Variants in LAIR2 observed in about 807,000 individuals in gnomAD.
The protein encoded by LAIR2 is leukocyte associated immunoglobulin like receptor 2.
A neutral mutation model predicts 14.8 loss-of-function variants in LAIR2; 14 were observed. That is an observed-to-expected ratio of 0.95 (90% confidence interval 0.62 to 1.48). The LOEUF (loss-of-function observed/expected upper bound fraction) is 1.48, where lower values mean the gene tolerates loss of function less well. Ranked by LOEUF, LAIR2 falls within the 40% of genes most tolerant of loss-of-function variation. The pLI, the probability that LAIR2 is intolerant of heterozygous loss-of-function variation, is 0.00. For synonymous variants in LAIR2, 75 were observed against 74.5 expected (o/e 1.01, Z -0.03); for missense variants, 172 against 180.9 (o/e 0.95, Z 0.28).
chr19:54,510,610 G>T lies in LAIR2; in HGVS notation c.*41G>T. 3 of 1,609,646 alleles carry T rather than the reference G, an allele frequency of 1.9e-6. No individual in the cohort carries two copies. The highest frequency in any genetic ancestry group is 2.6e-6 in the Non-Finnish European group (3 of 1,175,916). ...CTCCCGTCTTGTGAACTTCAATGGG[G>T]AGAAATAATTAGAATGAGCAATAGA... On this transcript the variant is annotated 3_prime_UTR_variant, in exon 5 of 5. Coordinates refer to ENST00000301202, the MANE Select transcript of LAIR2 (RefSeq NM_002288.6).
chr19:54,507,943 G>C lies in LAIR2; in HGVS notation c.123G>C (p.Pro41=), dbSNP rs150085908. 18 of 1,613,940 alleles carry C rather than the reference G, an allele frequency of 1.1e-5. No individual in the cohort carries two copies. The Admixed American group carries it at 1.8e-4, about 16-fold the overall frequency. The part of the protein sequence containing the change: ...ISAEPGTVIS[P]GSHVTFMCRG... ...CTGAGCCAGGCACTGTGATCTCCCC[G>C]GGGAGCCATGTGACTTTCATGTGCC... The change falls in exon 3 of 5, where the codon CCG becomes CCC. Residue 41 remains proline (P), a synonymous_variant. Coordinates refer to ENST00000301202, the MANE Select transcript of LAIR2 (RefSeq NM_002288.6).
At chr19:54,503,564 C>T in intron 1 of LAIR2, 136 bp from the exon 2 acceptor site, 3 of 981,336 alleles carry the variant, frequency 3.1e-6, no homozygotes, top group Non-Finnish European at 4.8e-6. Flanking sequence ...TACATGGAGA[C>T]AGTGATGTCG....
intron 2 of LAIR2, among the ~76,000 whole-genome samples, chr19:54,504,906 G>T (rs1025421391): frequency 2.0e-5 from 3 of 152,108 alleles, no homozygotes; most frequent in African/African-American, 4.8e-5. Flanking sequence ...CACTGCACCC[G>T]GCCGAGATGA....
chr19:54,503,783 A>C, intron 2 of LAIR2, 48 bp downstream of exon 2: 2 of 1,612,826 alleles, frequency 1.2e-6, no homozygotes, highest in Non-Finnish European at 1.7e-6. Flanking sequence ...TGTCACCCCA[A>C]AGGCAGTGCT....
chr19:54,506,268 C>G (rs989582747), intron 2 of LAIR2, among the ~76,000 whole-genome samples: 4 of 152,090 alleles, frequency 2.6e-5, no homozygotes, highest in African/African-American at 4.8e-5. Context: ...TCCTCCTGTG[C>G]GAATCATTTT....
Position 54,503,725 on chromosome 19 carries a change from C to T in LAIR2, c.60C>T (p.His20=), listed in dbSNP as rs1204254114. Reference sequence around the variant, plus strand: ...TGCTCTGCCTGGCCCAGACCATCCACACGCAGGAGGGTAAGTCATGCCTTC... The same window carrying T: ...TGCTCTGCCTGGCCCAGACCATCCATACGCAGGAGGGTAAGTCATGCCTTC... ...GLVLCLAQTI[H]TQEGALPRPS... Residue 20 remains histidine (H), a synonymous_variant, in exon 2 of 5, where the codon CAC becomes CAT. Transcript: ENST00000301202. 6.2e-7 allele frequency: 1 copy of T among 1,613,960 alleles called. No individual in the cohort carries two copies. The highest frequency in any genetic ancestry group is 8.5e-7 in the Non-Finnish European group (1 of 1,180,020).
chr19:54,505,435 G>C (rs2085347916), intron 2 of LAIR2, among the ~76,000 whole-genome samples: 1 of 151,930 alleles, frequency 6.6e-6, no homozygotes, highest in Admixed American at 6.6e-5. Flanking sequence ...ACCCCCAGGT[G>C]ACAGCCCTTC....
At chr19:54,503,181 G>A (rs1003002363) in intron 1 of LAIR2, among the ~76,000 whole-genome samples, 5 of 151,970 alleles carry the variant, frequency 3.3e-5, no homozygotes, top group South Asian at 2.1e-4. Context: ...GGGCTGGGGG[G>A]CCAGGCGCGG....
intron 1 of LAIR2, 51 bp downstream of exon 1, chr19:54,503,003 G>A (rs758689837): frequency 3.3e-5 from 52 of 1,553,886 alleles, no homozygotes; most frequent in Non-Finnish European, 4.1e-5. Flanking sequence ...GGGAGGTCTG[G>A]AAAGTTCCCT....
rs138240417 is a variant in LAIR2 at position 54,502,929 on chromosome 19, A to T, written c.11A>T (p.His4Leu). ...TCTGGGACCGGGGCCATGTCTCCAC[A>T]CCTCACTGCTCTCCTGGGCCTAGGT... is the stretch of plus-strand genomic sequence containing the variant. MSP[H>L]LTALLGLVLC... Residue 4 changes from histidine to leucine, a missense_variant, in exon 1 of 5, where the codon CAC becomes CTC. By Grantham distance (99) the His-to-Leu change is moderately conservative (BLOSUM62 -3). This residue lies in a region of LAIR2 where 161 missense variants were observed against 149.0 expected (regional missense o/e 1.08). Coordinates refer to ENST00000301202, the MANE Select transcript of LAIR2 (RefSeq NM_002288.6). 39 of 1,613,952 alleles carry T rather than the reference A, an allele frequency of 2.4e-5. No homozygotes were observed. The highest frequency in any genetic ancestry group is 3.3e-5 in the Non-Finnish European group (39 of 1,179,918).
Position 54,502,843 on chromosome 19 carries a change from AGCCCC to A in LAIR2, c.-75_-71del. The stretch of plus-strand genomic sequence containing the variant: ...TCTTGTGTGAGGCAGTTGCTGTGGA[AGCCCC>A]ACGGGCAGGAGGCCCCCGGCCAGCA... On this transcript the variant is annotated 5_prime_UTR_variant, in exon 1 of 5. Transcript: ENST00000301202. 1 of 1,580,598 alleles carries A rather than the reference AGCCCC, an allele frequency of 6.3e-7. No individual in the cohort carries two copies. Among genetic ancestry groups the A allele is most frequent in the Non-Finnish European group, 8.7e-7 (1 of 1,149,604 alleles).
Position 54,510,654 on chromosome 19 carries a change from C to A in LAIR2, c.*85C>A. On this transcript the variant is annotated 3_prime_UTR_variant, in exon 5 of 5. Coordinates refer to ENST00000301202, the MANE Select transcript of LAIR2 (RefSeq NM_002288.6). ...CAATAGAAATGCACAGATGCCTATA[C>A]ATACATATACAAATAAAAAGATACG... 1 of 1,446,534 alleles carries A rather than the reference C, an allele frequency of 6.9e-7. No homozygotes were observed. Among genetic ancestry groups the A allele is most frequent in the Non-Finnish European group, 9.7e-7 (1 of 1,029,756 alleles). 89.6% of individuals were successfully genotyped at this position (1,446,534 alleles called of 1,614,324 possible). A position where few individuals can be genotyped will look rare whatever the true frequency, so the allele number is the denominator to read the frequency against.
chr19:54,509,838 C>T (rs1014948999), intron 4 of LAIR2, among the ~76,000 whole-genome samples: 1 of 151,626 alleles, frequency 6.6e-6, no homozygotes, highest in Non-Finnish European at 1.5e-5. Context: ...TCAAGTTGTC[C>T]ATCTCCGCCT....
At chr19:54,507,027 C>T (rs902747947) in intron 2 of LAIR2, among the ~76,000 whole-genome samples, 2 of 151,708 alleles carry the variant, frequency 1.3e-5, no homozygotes, top group African/African-American at 2.4e-5. Context: ...TCATGTTGTA[C>T]ACCTTAAATA....
At chr19:54,506,292 C>T (rs4806768) in intron 2 of LAIR2, among the ~76,000 whole-genome samples, 60,523 of 151,940 alleles carry the variant, frequency 0.4, 13,003 homozygotes, top group Non-Finnish European at 0.46. Flanking sequence ...GTGGTGAGAA[C>T]GCTTAGAATC....
rs775803278 is a variant in LAIR2 at position 54,507,969 on chromosome 19, G to A, written c.149G>A (p.Arg50Gln). 1.7e-5 allele frequency: 27 copies of A among 1,613,968 alleles called. No individual in the cohort carries two copies. The highest frequency in any genetic ancestry group is 2.7e-5 in the African/African-American group (2 of 74,918). ...GGGAGCCATGTGACTTTCATGTGCCGGGGCCCGGTTGGGGTTCAAACATTC... is the reference window on the plus strand; with the variant it reads ...GGGAGCCATGTGACTTTCATGTGCCAGGGCCCGGTTGGGGTTCAAACATTC... The part of the protein sequence containing the change: ...SPGSHVTFMC[R>Q]GPVGVQTFRL... Residue 50 changes from arginine to glutamine, a missense_variant, in exon 3 of 5, where the codon CGG becomes CAG. This residue lies in a region of LAIR2 where 161 missense variants were observed against 149.0 expected (regional missense o/e 1.08). Transcript: ENST00000301202.
chr19:54,502,861 C>G lies in LAIR2; in HGVS notation c.-58C>G. On this transcript the variant is annotated 5_prime_UTR_variant, in exon 1 of 5. Coordinates refer to ENST00000301202, the MANE Select transcript of LAIR2 (RefSeq NM_002288.6). ...CTGTGGAAGCCCCACGGGCAGGAGG[C>G]CCCCGGCCAGCACATCCTGTCTGCT... is the stretch of plus-strand genomic sequence containing the variant. 6.2e-7 allele frequency: 1 copy of G among 1,609,522 alleles called. No individual in the cohort carries two copies. Among genetic ancestry groups the G allele is most frequent in the Non-Finnish European group, 8.5e-7 (1 of 1,175,902 alleles).
At position 54,502,916 on chromosome 19, in the gene LAIR2, G is replaced by T; in HGVS notation, c.-3G>T. ...TCTGCTGCAGAGTTCTGGGACCGGG[G>T]CCATGTCTCCACACCTCACTGCTCT... On this transcript the variant is annotated 5_prime_UTR_variant, in exon 1 of 5. Coordinates refer to ENST00000301202, the MANE Select transcript of LAIR2 (RefSeq NM_002288.6). 1 of 1,614,116 alleles carries T rather than the reference G, an allele frequency of 6.2e-7. No homozygotes were observed. Among genetic ancestry groups the T allele is most frequent in the Middle Eastern group, 1.6e-4 (1 of 6,062 alleles).
intron 2 of LAIR2, among the ~76,000 whole-genome samples, chr19:54,504,509 AC>A (rs35802475): frequency 0.26 from 40,136 of 152,024 alleles, 6,859 homozygotes; most frequent in Non-Finnish European, 0.37. Flanking sequence ...CTCCTGTTTA[AC>A]CGAAACTTTG....
Sources: gnomAD v4.1 joint callset for allele counts (sites outside exome capture counted in the v4.1 genomes callset) on GRCh38, gnomAD v4.1.1 for gene constraint, gnomAD v4.1.1 regional missense constraint, MANE v1.5 for transcripts, NCBI Gene and HGNC (gene_info 2026-07-23, HGNC 2026-07-21) for gene names.